FBXO17: variants seen among roughly 807,000 people sequenced by gnomAD.
FBXO17 encodes the protein F-box protein 17, also known as F-box only protein 17.
In FBXO17, 43 loss-of-function variants were observed where a neutral mutation model predicts 34.1. That is an observed-to-expected ratio of 1.26 (90% CI 0.99 to 1.62). The LOEUF (loss-of-function observed/expected upper bound fraction) is 1.62, where lower values mean the gene tolerates loss of function less well. FBXO17 is among the 40% of genes most tolerant of loss of function. The pLI is 0.00. For synonymous variants in FBXO17, 169 were observed against 166.0 expected (o/e 1.02, Z -0.14); for missense variants, 424 against 386.7 (o/e 1.10, Z -0.81).
At chr19:38,971,097 C>CAAAA (rs36006162) in intron 1 of FBXO17, among the ~76,000 whole-genome samples, 1 of 122,458 alleles carries the variant, frequency 8.2e-6, no homozygotes, top group African/African-American at 3.1e-5. Context: ...GAGTCCATCT[C>CAAAA]AAAAAAAAAA....
At chr19:38,944,563 CTG>C (rs1337128132) in intron 5 of FBXO17, among the ~76,000 whole-genome samples, 4 of 152,156 alleles carry the variant, frequency 2.6e-5, no homozygotes, top group African/African-American at 9.7e-5. Context: ...ACTTTGGTAA[CTG>C]AGGTGTGAGG....
At chr19:38,963,002 C>T (rs761485879) in intron 1 of FBXO17, among the ~76,000 whole-genome samples, 5 of 152,092 alleles carry the variant, frequency 3.3e-5, no homozygotes, top group Non-Finnish European at 5.9e-5. Context: ...AGCCATTGTG[C>T]CCAGTCTATT....
At chr19:38,958,011 G>C (rs569934387) in intron 1 of FBXO17, among the ~76,000 whole-genome samples, 1 of 151,580 alleles carries the variant, frequency 6.6e-6, no homozygotes, top group Non-Finnish European at 1.5e-5. Flanking sequence ...GAGCTGAGGG[G>C]AGAAGGATCA....
chr19:38,946,432 C>CCTG, intron 4 of FBXO17, 40 bp downstream of exon 4: 1 of 1,612,590 alleles, frequency 6.2e-7, no homozygotes. Flanking sequence ...CGCTGCCAAG[C>CCTG]CTGCTGCTGC....
intron 4 of FBXO17, chr19:38,945,482 G>A: frequency 5.5e-6 from 1 of 181,142 alleles, no homozygotes; most frequent in Non-Finnish European, 1.0e-5. Context: ...GAGCCTGGGG[G>A]AGGGGCCTGG....
At chr19:38,967,564 T>G (rs1473946818) in intron 1 of FBXO17, among the ~76,000 whole-genome samples, 1 of 118,612 alleles carries the variant, frequency 8.4e-6, no homozygotes, top group Non-Finnish European at 1.7e-5. Flanking sequence ...ATTAGGAAAA[T>G]GCAATTTTTT....
At chr19:38,945,727 AAC>A (rs1974972707) in intron 4 of FBXO17, 1 of 111,698 alleles carries the variant, frequency 9.0e-6, no homozygotes. Context: ...GTGGAACCAG[AAC>A]CTGGAGGAGA....
At chr19:38,956,004 A>G (rs1340307812) in intron 1 of FBXO17, among the ~76,000 whole-genome samples, 2 of 151,842 alleles carry the variant, frequency 1.3e-5, no homozygotes, top group Non-Finnish European at 2.9e-5. Flanking sequence ...GGTGGCTCAC[A>G]CCTGTAATCC....
intron 5 of FBXO17, among the ~76,000 whole-genome samples, chr19:38,944,209 G>C (rs1434035149): frequency 6.6e-6 from 1 of 151,842 alleles, no homozygotes; most frequent in Non-Finnish European, 1.5e-5. Context: ...TTTACTGTGA[G>C]ATGTAGCCAC....
At chr19:38,958,793 T>C (rs1300646315) in intron 1 of FBXO17, among the ~76,000 whole-genome samples, 1 of 152,206 alleles carries the variant, frequency 6.6e-6, no homozygotes, top group Admixed American at 6.5e-5. Flanking sequence ...CCACTGCTCG[T>C]GAAGCTGTGG....
chr19:38,974,030 A>ATG (rs1414370739), intron 1 of FBXO17, among the ~76,000 whole-genome samples: 2 of 125,886 alleles, frequency 1.6e-5, no homozygotes, highest in African/African-American at 5.5e-5. Flanking sequence ...ATATATATAT[A>ATG]TACATATATA....
At chr19:38,974,045 T>TATATATATAC (rs1568447839) in intron 1 of FBXO17, among the ~76,000 whole-genome samples, 2 of 142,334 alleles carry the variant, frequency 1.4e-5, no homozygotes, top group African/African-American at 5.1e-5. Context: ...TATATATATA[T>TATATATATAC]ACACATATAT....
Position 38,945,122 on chromosome 19 carries a change from G to C in FBXO17, c.558-18C>G, listed in dbSNP as rs373841779. ...CGCCCCACCTGCCAGGCAGCAGTCAGCCTCTATGCCCCCGTCACCCAGCCA... is the reference window on the plus strand; with the variant it reads ...CGCCCCACCTGCCAGGCAGCAGTCACCCTCTATGCCCCCGTCACCCAGCCA... On this transcript the variant is annotated intron_variant, in intron 4 of 5. Coordinates refer to ENST00000292852, the MANE Select transcript of FBXO17 (RefSeq NM_024907.7). The C allele has an allele frequency of 6.2e-7, 1 of 1,613,478 alleles. No homozygotes were observed. The highest frequency in any genetic ancestry group is 2.2e-5 in the East Asian group (1 of 44,886).
At position 38,950,000 on chromosome 19, in the gene FBXO17, C is replaced by T. The variant is rs1286228192; in HGVS notation, c.320G>A (p.Arg107His). Residue 107 changes from arginine (R) to histidine (H), a missense_variant, in exon 2 of 6, where the codon CGC becomes CAC. Coordinates refer to ENST00000292852, the MANE Select transcript of FBXO17 (RefSeq NM_024907.7). ...TCCGCAGGAGTTGAAGATGAGATTGCGGCCGAAGGGCGCGCGCAGACAGTA... is the reference window on the plus strand; with the variant it reads ...TCCGCAGGAGTTGAAGATGAGATTGTGGCCGAAGGGCGCGCGCAGACAGTA... ...ARYCLRAPFG[R>H]NLIFNSCGEQ... 1 of 1,551,432 alleles carries T rather than the reference C, an allele frequency of 6.4e-7. No individual in the cohort carries two copies.
Position 38,946,527 on chromosome 19 carries a change from C to T in FBXO17, c.502G>A (p.Gly168Arg), listed in dbSNP as rs754527734. 4 of 1,613,956 alleles carry T rather than the reference C, an allele frequency of 2.5e-6. No homozygotes were observed. The African/African-American group carries it at 4.0e-5, about 16-fold the overall frequency. Residue 168 changes from glycine to arginine, a missense_variant, in exon 4 of 6, where the codon GGG (glycine) becomes AGG (arginine). Transcript: ENST00000292852. ...CTGTCCAGCAGCTCCTGCCACACCC[C>T]TTCCATCACCAGGTCCACAAGCTGC... The part of the protein sequence containing the change: ...KRQLVDLVME[G>R]VWQELLDSAQ...
chr19:38,972,071 T>G (rs949338514), intron 1 of FBXO17, among the ~76,000 whole-genome samples: 5 of 152,164 alleles, frequency 3.3e-5, no homozygotes, highest in African/African-American at 1.2e-4. Context: ...AACAGAGCCA[T>G]GTCAAAAGAC....
chr19:38,962,401 T>C (rs1975265019), intron 1 of FBXO17, among the ~76,000 whole-genome samples: 1 of 152,180 alleles, frequency 6.6e-6, no homozygotes, highest in Non-Finnish European at 1.5e-5. Flanking sequence ...CTCTGACTCC[T>C]ACATGCGTGC....
At chr19:38,956,857 T>G (rs1425081243) in intron 1 of FBXO17, among the ~76,000 whole-genome samples, 1 of 151,852 alleles carries the variant, frequency 6.6e-6, no homozygotes, top group African/African-American at 2.4e-5. Context: ...ACAGCGAGAC[T>G]CTGCCTCAAA....
chr19:38,954,899 TTATTATTATTATTATTATTATTA>T (rs1975143032), intron 1 of FBXO17, among the ~76,000 whole-genome samples: 1 of 9,318 alleles, frequency 1.1e-4, no homozygotes, highest in African/African-American at 6.6e-4. Flanking sequence ...TGTTATTTTA[TTATTATTATTATTATTATTATTA>T]TTATTATTAT....
Sources: gnomAD v4.1 joint callset for allele counts (sites outside exome capture counted in the v4.1 genomes callset) on GRCh38, gnomAD v4.1.1 for gene constraint, MANE v1.5 for transcripts, NCBI Gene and HGNC (gene_info 2026-07-23, HGNC 2026-07-21) for gene names.